The following TMX4 variants were observed in gnomAD, a reference collection of about 807,000 sequenced individuals.
TMX4 encodes thioredoxin related transmembrane protein 4.
A neutral mutation model predicts 33.3 loss-of-function variants in TMX4; 23 were observed. The observed-to-expected ratio is 0.69, with a 90% CI of 0.50 to 0.98. The LOEUF (loss-of-function observed/expected upper bound fraction) is 0.98, where lower values mean the gene tolerates loss of function less well. Ranked by LOEUF, TMX4 falls within the 50% of genes least tolerant of loss-of-function variation. TMX4 has a pLI of 0.00. For missense variants in TMX4, 399 were observed against 448.9 expected (o/e 0.89, Z 1.01); for synonymous variants, 164 against 161.5 (o/e 1.02, Z -0.12).
chr20:7,988,712 A>G (rs988704301), intron 5 of TMX4, among the ~76,000 whole-genome samples: 2 of 152,240 alleles, frequency 1.3e-5, no homozygotes, highest in African/African-American at 4.8e-5. Context: ...GTGTGTGTTT[A>G]GCCAGGACAA....
intron 1 of TMX4, 31 bp downstream of exon 1, chr20:8,019,407 T>C (rs1367960964): frequency 6.6e-7 from 1 of 1,510,124 alleles, no homozygotes; most frequent in East Asian, 2.8e-5. Flanking sequence ...GCGAGGACAC[T>C]GCGGCGTCCG....
At chr20:8,008,806 T>C (rs1024460392) in intron 2 of TMX4, among the ~76,000 whole-genome samples, 1 of 152,230 alleles carries the variant, frequency 6.6e-6, no homozygotes, top group Non-Finnish European at 1.5e-5. Context: ...AATTAACTTA[T>C]TATAACAGCC....
At chr20:8,008,668 CCAT>C (rs2050740299) in intron 2 of TMX4, among the ~76,000 whole-genome samples, 1 of 152,052 alleles carries the variant, frequency 6.6e-6, no homozygotes, top group African/African-American at 2.4e-5. Flanking sequence ...TTTAAGAAAC[CCAT>C]CATAAAATGT....
At chr20:8,001,792 G>A (rs747332641) in intron 2 of TMX4, among the ~76,000 whole-genome samples, 4 of 151,996 alleles carry the variant, frequency 2.6e-5, no homozygotes, top group Non-Finnish European at 4.4e-5. Context: ...ATGCAAACTG[G>A]GGTTTTGCAA....
rs2050587589 is a variant in TMX4 at position 7,977,974 on chromosome 20, A to C, written c.*4277T>G. On this transcript the variant is annotated 3_prime_UTR_variant, in exon 8 of 8. Coordinates refer to ENST00000246024, the MANE Select transcript of TMX4 (RefSeq NM_021156.4). ...TTCAAAAAGCTGCCCCATCAGGTTC[A>C]GCAGGCTTGATGACTCCAAATTTGG... The C allele has an allele frequency of 6.6e-6, 1 of 152,266 alleles. No homozygotes were observed. The highest frequency in any genetic ancestry group is 2.4e-5 in the African/African-American group (1 of 41,476). 9.4% of individuals were successfully genotyped at this position (152,266 alleles called of 1,614,324 possible). A position where few individuals can be genotyped will look rare whatever the true frequency, so the allele number is the denominator to read the frequency against.
rs2050604636 is a variant in TMX4, at chr20:7,981,256, T to A, written c.*995A>T. 6.6e-6 allele frequency: 1 copy of A among 152,174 alleles called. No individual in the cohort carries two copies. Among genetic ancestry groups the A allele is most frequent in the Admixed American group, 6.5e-5 (1 of 15,282 alleles). 9.4% of individuals were successfully genotyped at this position (152,174 alleles called of 1,614,324 possible). A position where few individuals can be genotyped will look rare whatever the true frequency, so the allele number is the denominator to read the frequency against. On this transcript the variant is annotated 3_prime_UTR_variant, in exon 8 of 8. Transcript: ENST00000246024. ...ATCAGAAGTGGTTTTTTAGTTATTATTAAAGTAGTTCAAGACCCAGGGAAC... is the reference window on the plus strand; with the variant it reads ...ATCAGAAGTGGTTTTTTAGTTATTAATAAAGTAGTTCAAGACCCAGGGAAC...
In TMX4 at chr20:7,979,967, A is replaced by C. The variant is rs1364212907; in HGVS notation, c.*2284T>G. 2 of 152,124 alleles carry C rather than the reference A, an allele frequency of 1.3e-5. No homozygotes were observed. Among genetic ancestry groups the C allele is most frequent in the East Asian group, 3.9e-4 (2 of 5,190 alleles). 9.4% of individuals were successfully genotyped at this position (152,124 alleles called of 1,614,324 possible). On this transcript the variant is annotated 3_prime_UTR_variant, in exon 8 of 8. Transcript: ENST00000246024. Reference sequence around the variant, plus strand: ...TAGCTTGAAGGTAATTTTATCCAATATTTTTAATAATCTTGGGCATGGAAC... The same window carrying C: ...TAGCTTGAAGGTAATTTTATCCAATCTTTTTAATAATCTTGGGCATGGAAC...
chr20:8,005,679 G>C (rs1289554810), intron 2 of TMX4, among the ~76,000 whole-genome samples: 1 of 152,118 alleles, frequency 6.6e-6, no homozygotes, highest in Non-Finnish European at 1.5e-5. Context: ...GGAAGACATC[G>C]GCAGAAGAAC....
In TMX4 at chr20:7,982,038, C is replaced by T. The variant is rs561393523; in HGVS notation, c.*213G>A. 1.7e-4 allele frequency: 96 copies of T among 559,282 alleles called. No homozygotes were observed. Among genetic ancestry groups the T allele is most frequent in the African/African-American group, 1.6e-3 (84 of 53,134 alleles). 34.6% of individuals were successfully genotyped at this position (559,282 alleles called of 1,614,324 possible). A position where few individuals can be genotyped will look rare whatever the true frequency, so the allele number is the denominator to read the frequency against. ...ATCCCAGTCTCCAAACAGATCCCAACACTACGTTTGTTTTTCTATATCCTG... is the reference window on the plus strand; with the variant it reads ...ATCCCAGTCTCCAAACAGATCCCAATACTACGTTTGTTTTTCTATATCCTG... On this transcript the variant is annotated 3_prime_UTR_variant, in exon 8 of 8. Transcript: ENST00000246024.
At position 7,981,191 on chromosome 20, in the gene TMX4, T is replaced by C. The variant is rs956896652; in HGVS notation, c.*1060A>G. ...AATCTTTCACTTTCAGGTACTGGAG[T>C]TCATTAATTCTTTCACCAAAAGCAC... On this transcript the variant is annotated 3_prime_UTR_variant, in exon 8 of 8. Coordinates refer to ENST00000246024, the MANE Select transcript of TMX4 (RefSeq NM_021156.4). 6.6e-6 allele frequency: 1 copy of C among 152,118 alleles called. No homozygotes were observed. Among genetic ancestry groups the C allele is most frequent in the African/African-American group, 2.4e-5 (1 of 41,416 alleles). The allele number at this position is 152,118 out of a possible 1,614,324, so 9.4% of individuals were successfully genotyped here. A position where few individuals can be genotyped will look rare whatever the true frequency, so the allele number is the denominator to read the frequency against.
intron 1 of TMX4, among the ~76,000 whole-genome samples, chr20:8,016,854 CT>C (rs1290973749): frequency 2.6e-5 from 4 of 152,196 alleles, no homozygotes; most frequent in Non-Finnish European, 5.9e-5. Flanking sequence ...GCTTCTCAAT[CT>C]GTTTCTTTAA....
chr20:8,017,129 A>G (rs1205706732), intron 1 of TMX4, among the ~76,000 whole-genome samples: 1 of 152,090 alleles, frequency 6.6e-6, no homozygotes, highest in East Asian at 1.9e-4. Flanking sequence ...GAGGAGGAGT[A>G]TCACCTGATA....
chr20:8,012,650 C>T (rs1454921880), intron 1 of TMX4, among the ~76,000 whole-genome samples: 1 of 152,088 alleles, frequency 6.6e-6, no homozygotes, highest in African/African-American at 2.4e-5. Context: ...CCCTAGGACG[C>T]TCTTTGCATA....
At chr20:8,006,945 T>G (rs1424918483) in intron 2 of TMX4, among the ~76,000 whole-genome samples, 2 of 152,144 alleles carry the variant, frequency 1.3e-5, no homozygotes, top group African/African-American at 2.4e-5. Flanking sequence ...TTTTGTATTT[T>G]TAGTAGAGAA....
In TMX4 at chr20:7,983,793, C is replaced by T. The variant is rs1421274296; in HGVS notation, c.679+1G>A. ...AGATCACAGGAGCTTATCGTACTTA[C>T]CAGAACGCTCAGATAAATGCCTTGG... On this transcript the variant is annotated splice_donor_variant, in intron 7 of 7. Coordinates refer to ENST00000246024, the MANE Select transcript of TMX4 (RefSeq NM_021156.4). LOFTEE classifies it high-confidence loss of function. The T allele has an allele frequency of 1.2e-6, 2 of 1,612,980 alleles. No individual in the cohort carries two copies. Among genetic ancestry groups the T allele is most frequent in the Non-Finnish European group, 1.7e-6 (2 of 1,179,434 alleles).
chr20:8,018,857 C>A, intron 1 of TMX4: 2 of 256,910 alleles, frequency 7.8e-6, no homozygotes, highest in Non-Finnish European at 1.5e-5. Context: ...AAAAGGCATC[C>A]ATATTTATGT....
rs145910520 is a variant in TMX4, at chr20:7,999,372, A to G, written c.467+360T>C. Among the ~76,000 whole-genome samples the G allele has an allele frequency of 2.6e-5, 4 of 152,326 alleles. No individual in the cohort carries two copies. The East Asian group carries it at 5.8e-4, about 22-fold the overall frequency. ...CAATTCCTTCATAAACTATAATTCAATAAACAGTTATTCCTCTGTCTCATC... is the reference window on the plus strand; with the variant it reads ...CAATTCCTTCATAAACTATAATTCAGTAAACAGTTATTCCTCTGTCTCATC... On this transcript the variant is annotated intron_variant, in intron 4 of 7. Coordinates refer to ENST00000246024, the MANE Select transcript of TMX4 (RefSeq NM_021156.4).
In TMX4 at chr20:8,010,433, G is replaced by T. The variant is rs867806247; in HGVS notation, c.177-118C>A. 1.9e-5 allele frequency: 11 copies of T among 591,322 alleles called. 1 individual carries two copies. The South Asian group carries it at 4.7e-4, about 25-fold the overall frequency. The allele number at this position is 591,322 out of a possible 1,614,324, so 36.6% of individuals were successfully genotyped here. On this transcript the variant is annotated intron_variant, in intron 1 of 7. Transcript: ENST00000246024. Reference sequence around the variant, plus strand: ...TAAAAAAGGGAAATTATAAAAGGAGGCTTTTCCAAAGTCATTTGACATAGA... The same window carrying T: ...TAAAAAAGGGAAATTATAAAAGGAGTCTTTTCCAAAGTCATTTGACATAGA...
At chr20:7,985,287 T>A (rs201130394) in intron 6 of TMX4, among the ~76,000 whole-genome samples, 1,917 of 148,702 alleles carry the variant, frequency 0.013, 54 homozygotes, top group East Asian at 0.063. Flanking sequence ...ATTTTTTTTT[T>A]TTTTGAGACA....
Sources: allele counts gnomAD v4.1 joint callset (sites outside exome capture counted in the v4.1 genomes callset), GRCh38; gene constraint gnomAD v4.1.1; transcripts MANE v1.5; gene names NCBI Gene and HGNC (gene_info 2026-07-23, HGNC 2026-07-21).